KHDRBS2: variants seen among roughly 807,000 people sequenced by gnomAD.
KHDRBS2 encodes KH RNA binding domain containing, signal transduction associated 2.
Under a neutral mutation model 44.3 loss-of-function variants are expected in KHDRBS2, and 26 were observed. The ratio of observed to expected loss-of-function variants is 0.59; its 90% CI spans 0.43 to 0.81. The LOEUF (loss-of-function observed/expected upper bound fraction) is 0.81. KHDRBS2 is among the 40% of genes least tolerant of loss of function. The pLI is 0.00. For missense variants in KHDRBS2, 476 were observed against 433.1 expected (o/e 1.10, Z -0.88); for synonymous variants, 194 against 151.1 (o/e 1.28, Z -2.08).
At chr6:61,625,054 G>A in the KHDRBS2 span, among the ~76,000 whole-genome samples, 24 of 152,154 alleles carry the variant, frequency 1.6e-4, no homozygotes, top group South Asian at 3.5e-3. Context: ...TGCTTTTACC[G>A]TAAGGGGAGA....
At chr6:61,686,307 G>A (rs1766807747) in intron 8 of KHDRBS2, among the ~76,000 whole-genome samples, 1 of 151,652 alleles carries the variant, frequency 6.6e-6, no homozygotes, top group African/African-American at 2.4e-5. Flanking sequence ...TTTTTGCTTT[G>A]CAAATCATAT....
intron 1 of KHDRBS2, among the ~76,000 whole-genome samples, chr6:62,230,994 C>T (rs762378900): frequency 1.3e-5 from 2 of 152,148 alleles, no homozygotes; most frequent in Non-Finnish European, 2.9e-5. Flanking sequence ...TAAGTTTGAA[C>T]TTTAAGTACA....
intron 6 of KHDRBS2, among the ~76,000 whole-genome samples, chr6:61,850,729 T>C (rs1443401603): frequency 1.3e-5 from 2 of 152,086 alleles, no homozygotes; most frequent in Non-Finnish European, 2.9e-5. Context: ...CAAGCTCATG[T>C]CAATCCAGCT....
intron 6 of KHDRBS2, among the ~76,000 whole-genome samples, chr6:61,869,379 AC>A (rs1171837661): frequency 6.6e-6 from 1 of 152,210 alleles, no homozygotes; most frequent in Non-Finnish European, 1.5e-5. Flanking sequence ...TAATTATATA[AC>A]CAGTGATAGT....
At chr6:61,988,996 A>T (rs771326856) in intron 3 of KHDRBS2, among the ~76,000 whole-genome samples, 4 of 152,226 alleles carry the variant, frequency 2.6e-5, no homozygotes, top group Non-Finnish European at 5.9e-5. Context: ...TGAAATTCAG[A>T]CACAAAATGT....
chr6:61,648,464 G>T, the KHDRBS2 span, among the ~76,000 whole-genome samples: 1 of 152,070 alleles, frequency 6.6e-6, no homozygotes, highest in African/African-American at 2.4e-5. Flanking sequence ...CTTTTCCACA[G>T]CTATTCTAAT....
At chr6:61,867,225 A>C (rs542957062) in intron 6 of KHDRBS2, among the ~76,000 whole-genome samples, 56 of 152,358 alleles carry the variant, frequency 3.7e-4, no homozygotes, top group African/African-American at 1.3e-3. Flanking sequence ...GGCCAAGGGC[A>C]AGGAGGAACA....
At chr6:62,169,154 T>C (rs1458016221) in intron 2 of KHDRBS2, among the ~76,000 whole-genome samples, 1 of 89,700 alleles carries the variant, frequency 1.1e-5, no homozygotes, top group Non-Finnish European at 2.4e-5. Context: ...TGTGTGTATA[T>C]ATACGTACAC....
chr6:61,949,911 T>G (rs1470101416), intron 4 of KHDRBS2, among the ~76,000 whole-genome samples: 1 of 152,136 alleles, frequency 6.6e-6, no homozygotes, highest in African/African-American at 2.4e-5. Flanking sequence ...ATATTAGCTA[T>G]CACTAGTTCA....
intron 6 of KHDRBS2, among the ~76,000 whole-genome samples, chr6:61,775,901 C>T (rs1325941172): frequency 6.6e-6 from 1 of 152,162 alleles, no homozygotes; most frequent in Non-Finnish European, 1.5e-5. Context: ...TACTACAAGG[C>T]CACAGTAACC....
chr6:61,805,068 A>G lies in KHDRBS2; in HGVS notation c.811-72304T>C, dbSNP rs544764994. 8.5e-5 allele frequency among the ~76,000 whole-genome samples: 13 copies of G among 152,258 alleles called. 1 individual carries two copies. The South Asian group carries it at 2.5e-3, about 29-fold the overall frequency. ...TTATGCTTTGCTCCCTTTTAAACAT[A>G]AGTTCCGATTCCAAACCATCTCTTT... On this transcript the variant is annotated intron_variant, in intron 6 of 8. Transcript: ENST00000281156.
intron 6 of KHDRBS2, among the ~76,000 whole-genome samples, chr6:61,757,565 A>G (rs1778675074): frequency 6.6e-6 from 1 of 152,142 alleles, no homozygotes; most frequent in Non-Finnish European, 1.5e-5. Flanking sequence ...ACTTAAAATC[A>G]TTTACATTTT....
intron 1 of KHDRBS2, among the ~76,000 whole-genome samples, chr6:62,195,902 A>G (rs997951786): frequency 1.3e-5 from 2 of 152,156 alleles, no homozygotes; most frequent in African/African-American, 4.8e-5. Flanking sequence ...ATTAGAAATA[A>G]TGTTTTAAAA....
chr6:61,755,637 C>A (rs1778373572), intron 6 of KHDRBS2, among the ~76,000 whole-genome samples: 1 of 151,736 alleles, frequency 6.6e-6, no homozygotes, highest in African/African-American at 2.4e-5. Context: ...TGGTGAAACC[C>A]CATCTCTACT....
At chr6:62,059,198 G>GTTTTTGTTTTTTTTTT (rs1791041134) in intron 2 of KHDRBS2, among the ~76,000 whole-genome samples, 1 of 24,878 alleles carries the variant, frequency 4.0e-5, no homozygotes, top group Non-Finnish European at 8.2e-5. Flanking sequence ...AAGTTAGGAA[G>GTTTTTGTTTTTTTTTT]TTTTTTTTTT....
At chr6:61,619,247 C>T in the KHDRBS2 span, among the ~76,000 whole-genome samples, 1 of 151,398 alleles carries the variant, frequency 6.6e-6, no homozygotes, top group Non-Finnish European at 1.5e-5. Flanking sequence ...TTTTTTATCC[C>T]TAGCTCCCTC....
chr6:61,596,223 C>T, the KHDRBS2 span, among the ~76,000 whole-genome samples: 2 of 152,136 alleles, frequency 1.3e-5, no homozygotes, highest in Non-Finnish European at 2.9e-5. Flanking sequence ...ACAGCTTCAG[C>T]TTATGGAAAA....
chr6:62,177,175 A>G lies in KHDRBS2; in HGVS notation c.219+10T>C. 6.6e-7 allele frequency: 1 copy of G among 1,512,890 alleles called. No homozygotes were observed. The highest frequency in any genetic ancestry group is 1.8e-5 in the Admixed American group (1 of 55,824). 93.7% of individuals were successfully genotyped at this position (1,512,890 alleles called of 1,614,324 possible). A position where few individuals can be genotyped will look rare whatever the true frequency, so the allele number is the denominator to read the frequency against. ...TCAATTATATGAGAACAAAGTATAT[A>G]TGGTAGTACCTTTGGATACTGCTTG... is the stretch of plus-strand genomic sequence containing the variant. On this transcript the variant is annotated intron_variant, in intron 2 of 8. Transcript: ENST00000281156.
chr6:62,126,776 TTTC>T (rs1809076802), intron 2 of KHDRBS2, among the ~76,000 whole-genome samples: 1 of 152,216 alleles, frequency 6.6e-6, no homozygotes, highest in Non-Finnish European at 1.5e-5. Flanking sequence ...GATCTCTCCT[TTTC>T]TTATTTTATT....
Sources: gnomAD v4.1 joint callset for allele counts (sites outside exome capture counted in the v4.1 genomes callset) on GRCh38, gnomAD v4.1.1 for gene constraint, MANE v1.5 for transcripts, NCBI Gene and HGNC (gene_info 2026-07-23, HGNC 2026-07-21) for gene names.